The following SHISA2 variants were observed in gnomAD, a reference collection of about 807,000 sequenced individuals.
SHISA2 encodes the protein protein shisa-2 homolog.
SHISA2 carries 16 observed loss-of-function variants against 23.8 expected under a neutral mutation model. That is an observed-to-expected ratio of 0.67 (90% CI 0.46 to 1.02). The LOEUF is 1.02. SHISA2 is among the 50% of genes least tolerant of loss of function. The pLI is 0.00. For synonymous variants in SHISA2, 201 were observed against 178.6 expected, an observed-to-expected ratio of 1.13 and a Z score of -1.00; for missense variants, 459 against 420.1, an observed-to-expected ratio of 1.09 and a Z score of -0.81.
At chr13:26,048,699 T>A (rs539588573) in intron 1 of SHISA2, among the ~76,000 whole-genome samples, 1 of 152,312 alleles carries the variant, frequency 6.6e-6, no homozygotes, top group South Asian at 2.1e-4. Flanking sequence ...CTAATTATGC[T>A]CCTTTTCACT....
chr13:26,051,192 C>G lies in SHISA2; in HGVS notation c.-217G>C, dbSNP rs117691404. Among the ~76,000 whole-genome samples the G allele has an allele frequency of 0.018, 2,799 of 152,342 alleles. 38 individuals carry two copies. The highest frequency in any genetic ancestry group is 0.027 in the Middle Eastern group (8 of 294). ...CCCGTCCTCAGCCGGTGGCCCGGTC[C>G]CCTTAGGGACTGCCTTATGAGTTGC... On this transcript the variant is annotated 5_prime_UTR_variant, in exon 1 of 2. Transcript: ENST00000319420.
intron 1 of SHISA2, among the ~76,000 whole-genome samples, chr13:26,048,668 C>T (rs1469064786): frequency 6.6e-6 from 1 of 152,174 alleles, no homozygotes; most frequent in African/African-American, 2.4e-5. Flanking sequence ...CTTTCATCAT[C>T]CATTAGAGCA....
At chr13:26,050,123 C>T (rs149917364) in intron 1 of SHISA2, among the ~76,000 whole-genome samples, 1 of 152,186 alleles carries the variant, frequency 6.6e-6, no homozygotes, top group African/African-American at 2.4e-5. Flanking sequence ...GCCCCACAGG[C>T]GGGCCGCTGC....
chr13:26,049,734 G>A (rs1480721900), intron 1 of SHISA2, among the ~76,000 whole-genome samples: 1 of 152,074 alleles, frequency 6.6e-6, no homozygotes, highest in African/African-American at 2.4e-5. Flanking sequence ...CAAGCAGCCC[G>A]AACCCAGGCT....
At chr13:26,047,295 C>T (rs1290559539) in intron 1 of SHISA2, among the ~76,000 whole-genome samples, 1 of 152,204 alleles carries the variant, frequency 6.6e-6, no homozygotes, top group Non-Finnish European at 1.5e-5. Flanking sequence ...CCCCTAGAAG[C>T]AAACTGTTAA....
intron 1 of SHISA2, among the ~76,000 whole-genome samples, chr13:26,047,740 TG>T (rs1230068360): frequency 2.6e-5 from 4 of 152,088 alleles, no homozygotes; most frequent in Non-Finnish European, 5.9e-5. Flanking sequence ...GTCCAGGTGA[TG>T]GGGTCTGTGT....
chr13:26,049,951 A>G (rs1192076578), intron 1 of SHISA2, among the ~76,000 whole-genome samples: 1 of 151,884 alleles, frequency 6.6e-6, no homozygotes, highest in East Asian at 1.9e-4. Context: ...AGGTTTCTGA[A>G]GAGTGAAGTG....
chr13:26,050,820 G>T lies in SHISA2; in HGVS notation c.156C>A (p.Phe52Leu). The change falls in exon 1 of 2, where the codon TTC becomes TTA. Residue 52 changes from phenylalanine to leucine, a missense_variant. Phe to Leu is a conservative substitution (Grantham distance 22). Transcript: ENST00000319420. ...LDAQGVWRIG[F>L]QCPERFDGGD... is the part of the protein sequence containing the mutation. Reference sequence around the variant, plus strand: ...CGCCGTCGAAGCGCTCGGGACACTGGAAGCCGATGCGCCAGACGCCCTGCG... The same window carrying T: ...CGCCGTCGAAGCGCTCGGGACACTGTAAGCCGATGCGCCAGACGCCCTGCG... 1 of 1,540,616 alleles carries T rather than the reference G, an allele frequency of 6.5e-7. No individual in the cohort carries two copies. Among genetic ancestry groups the T allele is most frequent in the African/African-American group, 1.4e-5 (1 of 71,132 alleles).
chr13:26,047,892 C>T (rs1957277820), intron 1 of SHISA2, among the ~76,000 whole-genome samples: 1 of 152,212 alleles, frequency 6.6e-6, no homozygotes, highest in South Asian at 2.1e-4. Flanking sequence ...AGGGAAAGCC[C>T]TCAGAGCATA....
At position 26,050,677 on chromosome 13, in the gene SHISA2, C is replaced by G; in HGVS notation, c.299G>C (p.Gly100Ala). The G allele has an allele frequency of 6.9e-7, 1 of 1,455,804 alleles. No individual in the cohort carries two copies. The highest frequency in any genetic ancestry group is 9.0e-7 in the Non-Finnish European group (1 of 1,112,406). The allele number at this position is 1,455,804 out of a possible 1,614,324, so 90.2% of individuals were successfully genotyped here. ...NDRQQGAGEP[G>A]RADKDGPDGS... ...GTCGGGGCCGTCTTTGTCCGCCCGG[C>G]CAGGCTCGCCAGCGCCCTGCTGGCG... The change falls in exon 1 of 2, where the codon GGC becomes GCC. Residue 100 changes from glycine (G) to alanine (A), a missense_variant. By Grantham distance (60) the Gly-to-Ala change is moderately conservative (BLOSUM62 0). Transcript: ENST00000319420.
intron 1 of SHISA2, among the ~76,000 whole-genome samples, chr13:26,049,662 GCTGT>G (rs1957287518): frequency 6.6e-6 from 1 of 152,166 alleles, no homozygotes; most frequent in Admixed American, 6.5e-5. Flanking sequence ...ACTGAAAAGA[GCTGT>G]CTCTCACGAG....
intron 1 of SHISA2, among the ~76,000 whole-genome samples, chr13:26,049,810 T>A (rs1259094033): frequency 6.8e-6 from 1 of 147,822 alleles, no homozygotes; most frequent in Non-Finnish European, 1.5e-5. Context: ...AGCCGCCCCC[T>A]CGGGGACACG....
rs1236443037 is a variant in SHISA2 at position 26,045,390 on chromosome 13, G to A, written c.*1123C>T. The A allele has an allele frequency of 6.6e-6, 1 of 152,098 alleles. No individual in the cohort carries two copies. The highest frequency in any genetic ancestry group is 2.4e-5 in the African/African-American group (1 of 41,422). The allele number at this position is 152,098 out of a possible 1,614,324, so 9.4% of individuals were successfully genotyped here. On this transcript the variant is annotated 3_prime_UTR_variant, in exon 2 of 2. Coordinates refer to ENST00000319420, the MANE Select transcript of SHISA2 (RefSeq NM_001007538.2). The stretch of plus-strand genomic sequence containing the variant: ...TTATGATTTCAATATAAAAAAGAAT[G>A]CATTACCTCTCAGATGTCACCTTAA...
rs750680405 is a variant in SHISA2, at chr13:26,050,763, C to A, written c.213G>T (p.Ala71=). The part of the protein sequence containing the change: ...GDATICCGSC[A]LRYCCSSAEA... ...CGGCGCTGGAGCAGCAGTAGCGCAA[C>A]GCGCAGCTGCCGCAGCAGATGGTGG... Residue 71 remains alanine (A), a synonymous_variant, in exon 1 of 2, where the codon GCG becomes GCT. Transcript: ENST00000319420. 1 of 1,515,700 alleles carries A rather than the reference C, an allele frequency of 6.6e-7. No homozygotes were observed. The highest frequency in any genetic ancestry group is 1.2e-5 in the South Asian group (1 of 81,822). The allele number at this position is 1,515,700 out of a possible 1,614,324, so 93.9% of individuals were successfully genotyped here.
chr13:26,048,040 C>A (rs547225390), intron 1 of SHISA2, among the ~76,000 whole-genome samples: 2 of 152,204 alleles, frequency 1.3e-5, no homozygotes, highest in African/African-American at 4.8e-5. Context: ...CGGTGGCTCA[C>A]GCCTGTAATC....
rs1204050404 is a variant in SHISA2 at position 26,045,403 on chromosome 13, G to A, written c.*1110C>T. 1 of 152,166 alleles carries A rather than the reference G, an allele frequency of 6.6e-6. No individual in the cohort carries two copies. Among genetic ancestry groups the A allele is most frequent in the African/African-American group, 2.4e-5 (1 of 41,428 alleles). 9.4% of individuals were successfully genotyped at this position (152,166 alleles called of 1,614,324 possible). ...ATAAAAAAGAATGCATTACCTCTCA[G>A]ATGTCACCTTAAAGCCAGAAAATTA... On this transcript the variant is annotated 3_prime_UTR_variant, in exon 2 of 2. Transcript: ENST00000319420.
At position 26,050,951 on chromosome 13, in the gene SHISA2, C is replaced by CGGACG; in HGVS notation, c.20_24dup (p.Val9ArgfsTer154). On this transcript the variant is annotated frameshift_variant, in exon 1 of 2. Transcript: ENST00000319420. LOFTEE classifies it high-confidence loss of function. ...GAAGCGGCGTTCCAGGATGAGGAGA[C>CGGACG]GGACGAGCGGCGAGCGCCCCACATG... 1 of 1,515,360 alleles carries CGGACG rather than the reference C, an allele frequency of 6.6e-7. No homozygotes were observed. The highest frequency in any genetic ancestry group is 8.8e-7 in the Non-Finnish European group (1 of 1,139,142). The allele number at this position is 1,515,360 out of a possible 1,614,324, so 93.9% of individuals were successfully genotyped here.
At position 26,050,669 on chromosome 13, in the gene SHISA2, CCGCCCGGCCAGGCTCGCCAG is replaced by C; in HGVS notation, c.287_306del (p.Ala96GlyfsTer44). Reference sequence around the variant, plus strand: ...GCCGAGCCGTCGGGGCCGTCTTTGTCCGCCCGGCCAGGCTCGCCAGCGCCCTGCTGGCGGTCATTGTCGCA... The same window carrying C: ...GCCGAGCCGTCGGGGCCGTCTTTGTCCGCCCTGCTGGCGGTCATTGTCGCA... On this transcript the variant is annotated frameshift_variant, in exon 1 of 2. Transcript: ENST00000319420. LOFTEE classifies it high-confidence loss of function. 1 of 1,447,564 alleles carries C rather than the reference CCGCCCGGCCAGGCTCGCCAG, an allele frequency of 6.9e-7. No homozygotes were observed. Among genetic ancestry groups the C allele is most frequent in the Non-Finnish European group, 9.0e-7 (1 of 1,109,160 alleles). The allele number at this position is 1,447,564 out of a possible 1,614,324, so 89.7% of individuals were successfully genotyped here. A position where few individuals can be genotyped will look rare whatever the true frequency, so the allele number is the denominator to read the frequency against.
At position 26,051,022 on chromosome 13, in the gene SHISA2, G is replaced by C. The variant is rs1174426933; in HGVS notation, c.-47C>G. The C allele has an allele frequency of 1.4e-6, 2 of 1,421,850 alleles. No individual in the cohort carries two copies. The highest frequency in any genetic ancestry group is 9.1e-7 in the Non-Finnish European group (1 of 1,094,244). The allele number at this position is 1,421,850 out of a possible 1,614,324, so 88.1% of individuals were successfully genotyped here. A position where few individuals can be genotyped will look rare whatever the true frequency, so the allele number is the denominator to read the frequency against. On this transcript the variant is annotated 5_prime_UTR_variant, in exon 1 of 2. Transcript: ENST00000319420. ...AGCGCGTCTCCAGAGAGCGCAGGAC[G>C]GTCTCCGAGAAGTCGTGGCCCCGGC...
Sources: gnomAD v4.1 joint callset for allele counts (sites outside exome capture counted in the v4.1 genomes callset) on GRCh38, gnomAD v4.1.1 for gene constraint, MANE v1.5 for transcripts, NCBI Gene and HGNC (gene_info 2026-07-23, HGNC 2026-07-21) for gene names.